The following SLC5A4 variants were observed in gnomAD, a reference collection of about 807,000 sequenced individuals.
SLC5A4 encodes solute carrier family 5 member 4.
A neutral mutation model predicts 70.3 loss-of-function variants in SLC5A4; 55 were observed. The observed-to-expected ratio is 0.78, with a 90% CI of 0.63 to 0.98. SLC5A4 has a LOEUF of 0.98. SLC5A4 is among the 50% of genes least tolerant of loss of function. SLC5A4 has a pLI of 0.00. For missense variants in SLC5A4, 735 were observed against 839.2 expected (o/e 0.88, Z 1.53); for synonymous variants, 268 against 305.7 (o/e 0.88, Z 1.29).
chr22:32,305,925 C>T, the SLC5A4 span, among the ~76,000 whole-genome samples: 36 of 151,770 alleles, frequency 2.4e-4, no homozygotes, highest in Admixed American at 1.6e-3. Context: ...TTGCCCCTGC[C>T]CCTTTAGAGG....
At position 32,227,070 on chromosome 22, in the gene SLC5A4, C is replaced by T. The variant is rs540086612; in HGVS notation, c.1281-1247G>A. Among the ~76,000 whole-genome samples, 20 of 152,208 alleles carry T rather than the reference C, an allele frequency of 1.3e-4. 1 individual carries two copies. In the South Asian group the frequency reaches 3.5e-3, roughly 27 times the overall value. ...TCTTCCTGCTTTGTCTTTCTAGCACCTCTGGTCACCTGAGGTAGCATACCT... is the reference window on the plus strand; with the variant it reads ...TCTTCCTGCTTTGTCTTTCTAGCACTTCTGGTCACCTGAGGTAGCATACCT... On this transcript the variant is annotated intron_variant, in intron 11 of 14. Coordinates refer to ENST00000266086, the MANE Select transcript of SLC5A4 (RefSeq NM_014227.3).
the SLC5A4 span, among the ~76,000 whole-genome samples, chr22:32,321,401 G>C: frequency 3.3e-5 from 5 of 152,218 alleles, no homozygotes; most frequent in African/African-American, 4.8e-5. Flanking sequence ...GCAGTGAGCT[G>C]AGATCGCGCC....
chr22:32,326,173 T>C, the SLC5A4 span, among the ~76,000 whole-genome samples: 4 of 152,088 alleles, frequency 2.6e-5, no homozygotes, highest in Middle Eastern at 3.5e-3. Context: ...TCATTCCAGG[T>C]GAACTGGAGA....
chr22:32,237,199 C>A, intron 7 of SLC5A4, 45 bp downstream of exon 7: 1 of 1,373,620 alleles, frequency 7.3e-7, no homozygotes, highest in South Asian at 1.2e-5. Context: ...AAACAAGTCC[C>A]GTGATTTCCA....
At chr22:32,221,092 C>A in intron 13 of SLC5A4, 70 bp from the exon 14 acceptor site, 1 of 1,002,890 alleles carries the variant, frequency 1.0e-6, no homozygotes, top group Non-Finnish European at 1.6e-6. Context: ...AGAATGGTAC[C>A]TTTGTTTATC....
chr22:32,323,443 A>G, the SLC5A4 span, among the ~76,000 whole-genome samples: 1 of 152,230 alleles, frequency 6.6e-6, no homozygotes, highest in Admixed American at 6.5e-5. Context: ...ACATGGGTTC[A>G]GTTACGGCCT....
the SLC5A4 span, among the ~76,000 whole-genome samples, chr22:32,264,733 A>T: frequency 6.6e-6 from 1 of 152,196 alleles, no homozygotes; most frequent in Non-Finnish European, 1.5e-5. Context: ...TGCATGTTTT[A>T]TCCAAGCCTA....
At chr22:32,277,070 A>G in the SLC5A4 span, 2 of 152,158 alleles carry the variant, frequency 1.3e-5, no homozygotes, top group Non-Finnish European at 2.9e-5. Context: ...TAATTTTTTC[A>G]TTCAAAATTA....
At chr22:32,316,475 T>C in the SLC5A4 span, among the ~76,000 whole-genome samples, 2 of 151,992 alleles carry the variant, frequency 1.3e-5, no homozygotes, top group African/African-American at 4.8e-5. Context: ...TCAATATTCA[T>C]AGAGCAAGAC....
chr22:32,315,749 G>C, the SLC5A4 span, among the ~76,000 whole-genome samples: 1 of 138,990 alleles, frequency 7.2e-6, no homozygotes, highest in African/African-American at 2.7e-5. Context: ...AAGACCAAAT[G>C]CATCTGCCAT....
chr22:32,334,466 TC>T, the SLC5A4 span, among the ~76,000 whole-genome samples: 1 of 152,004 alleles, frequency 6.6e-6, no homozygotes. Flanking sequence ...CTGCCTTGTG[TC>T]CCCCCACTGC....
chr22:32,267,505 G>T, the SLC5A4 span, among the ~76,000 whole-genome samples: 1 of 152,142 alleles, frequency 6.6e-6, no homozygotes, highest in East Asian at 1.9e-4. Context: ...AAGAAACAGG[G>T]TCTCCCTCCA....
chr22:32,256,616 C>T (rs1927502160), upstream of SLC5A4, among the ~76,000 whole-genome samples: 1 of 152,148 alleles, frequency 6.6e-6, no homozygotes, highest in Non-Finnish European at 1.5e-5. Context: ...CTCTGTTATT[C>T]TTTCTTACTA....
At chr22:32,325,156 C>T in the SLC5A4 span, among the ~76,000 whole-genome samples, 1 of 152,252 alleles carries the variant, frequency 6.6e-6, no homozygotes, top group African/African-American at 2.4e-5. Flanking sequence ...ACTCTTGGCC[C>T]CTCGCACTAG....
In SLC5A4 at chr22:32,255,340, A is replaced by C. The variant is rs760907895; in HGVS notation, c.-11T>G. ...AACCGTACTGGCCATGGCTGCAGGC[A>C]GTGCTATACCCATTCCACGCATGAG... On this transcript the variant is annotated 5_prime_UTR_variant, in exon 1 of 15. Transcript: ENST00000266086. 1.2e-6 allele frequency: 2 copies of C among 1,613,970 alleles called. No homozygotes were observed.
chr22:32,286,326 A>T, the SLC5A4 span, among the ~76,000 whole-genome samples: 1 of 152,152 alleles, frequency 6.6e-6, no homozygotes, highest in Non-Finnish European at 1.5e-5. Context: ...GCAGTGTACA[A>T]CGCTATTTCT....
the SLC5A4 span, among the ~76,000 whole-genome samples, chr22:32,341,574 G>A: frequency 3.3e-5 from 5 of 152,338 alleles, no homozygotes; most frequent in Admixed American, 2.0e-4. Flanking sequence ...GCAGAGCACT[G>A]TCTTCAACAG....
the SLC5A4 span, chr22:32,273,397 T>C: frequency 5.9e-6 from 1 of 168,774 alleles, no homozygotes; most frequent in African/African-American, 2.4e-5. Context: ...TGATTAAATA[T>C]GTGGTACACC....
At position 32,248,576 on chromosome 22, in the gene SLC5A4, A is replaced by T. The variant is rs117176089; in HGVS notation, c.372+167T>A. Among the ~76,000 whole-genome samples, 46 of 152,310 alleles carry T rather than the reference A, an allele frequency of 3.0e-4. 3 individuals are homozygous for T. The East Asian group carries it at 8.5e-3, about 28-fold the overall frequency. On this transcript the variant is annotated intron_variant, in intron 4 of 14. Transcript: ENST00000266086. Reference sequence around the variant, plus strand: ...CCCTGTTATATAAACCCCTAATTTTAGTCCATCAGGAAGATGGATTTGAGA... The same window carrying T: ...CCCTGTTATATAAACCCCTAATTTTTGTCCATCAGGAAGATGGATTTGAGA...
Sources: gnomAD v4.1 joint callset for allele counts (sites outside exome capture counted in the v4.1 genomes callset) on GRCh38, gnomAD v4.1.1 for gene constraint, MANE v1.5 for transcripts, NCBI Gene and HGNC (gene_info 2026-07-23, HGNC 2026-07-21) for gene names.